The following GOPC variants were observed in gnomAD, a reference collection of about 807,000 sequenced individuals.
The protein encoded by GOPC is golgi associated PDZ and coiled-coil motif containing.
A neutral mutation model predicts 51.2 loss-of-function variants in GOPC; 32 were observed. The observed-to-expected ratio is 0.63, with a 90% CI of 0.47 to 0.84. The LOEUF (loss-of-function observed/expected upper bound fraction) is 0.84, where lower values mean the gene tolerates loss of function less well. Ranked by LOEUF, GOPC falls within the 40% of genes least tolerant of loss-of-function variation. GOPC has a pLI of 0.00. For missense variants in GOPC, 441 were observed against 555.5 expected, an observed-to-expected ratio of 0.79 and a Z score of 2.07; for synonymous variants, 190 against 205.1, an observed-to-expected ratio of 0.93 and a Z score of 0.63.
intron 1 of GOPC, among the ~76,000 whole-genome samples, chr6:117,584,531 G>A (rs936734208): frequency 1.3e-5 from 2 of 152,224 alleles, no homozygotes; most frequent in Non-Finnish European, 1.5e-5. Context: ...ATAAAGAGAT[G>A]CACAGAATAA....
At chr6:117,582,055 G>C (rs1319299735) in intron 1 of GOPC, among the ~76,000 whole-genome samples, 1 of 152,130 alleles carries the variant, frequency 6.6e-6, no homozygotes, top group African/African-American at 2.4e-5. Context: ...TAGGGATGCA[G>C]TGGTATATTG....
intron 1 of GOPC, among the ~76,000 whole-genome samples, chr6:117,592,931 A>G (rs75754148): frequency 3.3e-5 from 5 of 152,160 alleles, no homozygotes; most frequent in African/African-American, 1.2e-4. Flanking sequence ...CCCCATTACC[A>G]CTTTCACTTC....
chr6:117,565,074 TA>T (rs964991919), intron 8 of GOPC, among the ~76,000 whole-genome samples: 18 of 151,594 alleles, frequency 1.2e-4, no homozygotes, highest in African/African-American at 4.1e-4. Flanking sequence ...TTGAAAAATC[TA>T]AAAAAAAATT....
chr6:117,599,496 T>TA (rs1771955025), intron 1 of GOPC, among the ~76,000 whole-genome samples: 1 of 152,180 alleles, frequency 6.6e-6, no homozygotes, highest in African/African-American at 2.4e-5. Flanking sequence ...ATTGATTCCA[T>TA]AAAAACGGCA....
Position 117,602,124 on chromosome 6 carries a change from G to T in GOPC, c.165C>A (p.Ile55=), listed in dbSNP as rs758990483. ...FVDVDLLLGE[I]DPDQADITYE... is the part of the protein sequence containing the mutation. ...AAGTGATGTCCGCTTGGTCTGGATC[G>T]ATCTCTCCCAGGAGCAGATCCACAT... Residue 55 remains isoleucine, a synonymous_variant, in exon 1 of 9, where the codon ATC becomes ATA. Transcript: ENST00000368498. The T allele has an allele frequency of 1.9e-6, 3 of 1,614,080 alleles. No homozygotes were observed. Among genetic ancestry groups the T allele is most frequent in the Admixed American group, 3.3e-5 (2 of 60,014 alleles).
At chr6:117,585,609 C>T (rs1300952938) in intron 1 of GOPC, among the ~76,000 whole-genome samples, 6 of 152,188 alleles carry the variant, frequency 3.9e-5, no homozygotes, top group Non-Finnish European at 1.5e-5. Flanking sequence ...CAGACCTCCT[C>T]CTGACATCCT....
Position 117,602,412 on chromosome 6 carries a change from G to T in GOPC, c.-124C>A. On this transcript the variant is annotated 5_prime_UTR_variant, in exon 1 of 9. Transcript: ENST00000368498. Reference sequence around the variant, plus strand: ...ACACTCCGTCACCTCCCTTCACCTCGCGCCGTTAACGCCAGCAGCACAGTC... The same window carrying T: ...ACACTCCGTCACCTCCCTTCACCTCTCGCCGTTAACGCCAGCAGCACAGTC... The T allele has an allele frequency of 2.1e-6, 2 of 930,972 alleles. No homozygotes were observed. Among genetic ancestry groups the T allele is most frequent in the Non-Finnish European group, 3.1e-6 (2 of 639,608 alleles). 57.7% of individuals were successfully genotyped at this position (930,972 alleles called of 1,614,324 possible). A position where few individuals can be genotyped will look rare whatever the true frequency, so the allele number is the denominator to read the frequency against.
At chr6:117,591,050 C>A (rs1310215758) in intron 1 of GOPC, among the ~76,000 whole-genome samples, 3 of 152,126 alleles carry the variant, frequency 2.0e-5, no homozygotes. Flanking sequence ...TGGGGTTTCC[C>A]CATGTTAGCC....
rs1779766993 is a variant in GOPC at position 117,569,645 on chromosome 6, G to C, written c.1004C>G (p.Ala335Gly). 1 of 1,613,146 alleles carries C rather than the reference G, an allele frequency of 6.2e-7. No homozygotes were observed. The highest frequency in any genetic ancestry group is 8.5e-7 in the Non-Finnish European group (1 of 1,179,698). The change falls in exon 7 of 9, where the codon GCT becomes GGT. Residue 335 changes from alanine to glycine, a missense_variant. Coordinates refer to ENST00000368498, the MANE Select transcript of GOPC (RefSeq NM_020399.4). ...DRCGGLHVGD[A>G]ILAVNGVNLR... is the part of the protein sequence containing the mutation. ...GTTAACTCCGTTGACTGCCAAAATA[G>C]CATCCCCAACGTGCAGCCCTCCGCA...
rs749835381 is a variant in GOPC at position 117,578,965 on chromosome 6, T to C, written c.385A>G (p.Ile129Val). Reference sequence around the variant, plus strand: ...GTTTTAGCATGAAGCTGCAGCTGAATAGAGTGCAGCTGTAAAAGCTGATCA... The same window carrying C: ...GTTTTAGCATGAAGCTGCAGCTGAACAGAGTGCAGCTGTAAAAGCTGATCA... ...VHDQLLQLHS[I>V]QLQLHAKTGQ... The change falls in exon 2 of 9, where the codon ATT becomes GTT. Residue 129 changes from isoleucine (I) to valine (V), a missense_variant. Around this residue, in one of 3 missense-constraint regions of GOPC, gnomAD observed 204 missense variants for 219.8 expected, o/e 0.93. Coordinates refer to ENST00000368498, the MANE Select transcript of GOPC (RefSeq NM_020399.4). 9 of 1,612,094 alleles carry C rather than the reference T, an allele frequency of 5.6e-6. No individual in the cohort carries two copies. Among genetic ancestry groups the C allele is most frequent in the Non-Finnish European group, 7.6e-6 (9 of 1,179,198 alleles).
chr6:117,589,612 G>T (rs772868883), intron 1 of GOPC, among the ~76,000 whole-genome samples: 4 of 151,808 alleles, frequency 2.6e-5, no homozygotes, highest in African/African-American at 9.7e-5. Flanking sequence ...GAGCCACTGC[G>T]CCCAGCCCTA....
At chr6:117,584,420 A>C (rs1421760406) in intron 1 of GOPC, among the ~76,000 whole-genome samples, 2 of 152,322 alleles carry the variant, frequency 1.3e-5, no homozygotes, top group East Asian at 3.9e-4. Context: ...TGGGGTTCCC[A>C]CATTTCCCTT....
chr6:117,577,684 G>A (rs1389437730), intron 2 of GOPC, among the ~76,000 whole-genome samples: 1 of 151,912 alleles, frequency 6.6e-6, no homozygotes, highest in Non-Finnish European at 1.5e-5. Flanking sequence ...CAACATAACT[G>A]GTACAGTGTT....
At chr6:117,589,249 C>T (rs1388465117) in intron 1 of GOPC, among the ~76,000 whole-genome samples, 1 of 152,138 alleles carries the variant, frequency 6.6e-6, no homozygotes, top group Non-Finnish European at 1.5e-5. Flanking sequence ...TCATGCAGAG[C>T]CTGTCTGCCA....
intron 7 of GOPC, among the ~76,000 whole-genome samples, chr6:117,569,085 C>T (rs1472341570): frequency 6.6e-6 from 1 of 152,180 alleles, no homozygotes; most frequent in Non-Finnish European, 1.5e-5. Flanking sequence ...ATCCTTTCAT[C>T]GCTAAGAACT....
intron 1 of GOPC, among the ~76,000 whole-genome samples, chr6:117,595,988 A>G (rs1780191618): frequency 6.6e-6 from 1 of 152,166 alleles, no homozygotes; most frequent in African/African-American, 2.4e-5. Context: ...TGTTTTTCAT[A>G]GTGGTTGGTG....
chr6:117,566,541 G>C (rs572872750), intron 8 of GOPC, among the ~76,000 whole-genome samples: 1 of 152,202 alleles, frequency 6.6e-6, no homozygotes, highest in South Asian at 2.1e-4. Context: ...TAGTCTACAA[G>C]ATAGATCTAC....
chr6:117,602,338 G>A lies in GOPC; in HGVS notation c.-50C>T, dbSNP rs745346064. ...CTGCTGAAGACCCTCGCCGCCCCCC[G>A]CGCACGAAGGGAACTGCTGGGACTG... On this transcript the variant is annotated 5_prime_UTR_variant, in exon 1 of 9. Coordinates refer to ENST00000368498, the MANE Select transcript of GOPC (RefSeq NM_020399.4). 157 of 1,498,806 alleles carry A rather than the reference G, an allele frequency of 1.0e-4. No individual in the cohort carries two copies. In the Admixed American group the frequency reaches 1.1e-3, roughly 10 times the overall value. 92.8% of individuals were successfully genotyped at this position (1,498,806 alleles called of 1,614,324 possible). A position where few individuals can be genotyped will look rare whatever the true frequency, so the allele number is the denominator to read the frequency against.
At chr6:117,568,624 GAGAC>G (rs1240440331) in intron 7 of GOPC, among the ~76,000 whole-genome samples, 1 of 152,186 alleles carries the variant, frequency 6.6e-6, no homozygotes, top group East Asian at 1.9e-4. Flanking sequence ...TTTGCAGAAA[GAGAC>G]AGATGATGCA....
Sources: allele counts gnomAD v4.1 joint callset (sites outside exome capture counted in the v4.1 genomes callset), GRCh38; gene constraint gnomAD v4.1.1; regional missense constraint gnomAD v4.1.1; transcripts MANE v1.5; gene names NCBI Gene and HGNC (gene_info 2026-07-23, HGNC 2026-07-21).